Variants in CSGALNACT1 observed in about 807,000 individuals in gnomAD.
The protein encoded by CSGALNACT1 is beta4GalNAcT-1.
A neutral mutation model predicts 51.0 loss-of-function variants in CSGALNACT1; 52 were observed. That is an observed-to-expected ratio of 1.02 (90% CI 0.82 to 1.29). CSGALNACT1 has a LOEUF of 1.29. Ranked by LOEUF, CSGALNACT1 falls within the 50% of genes most tolerant of loss-of-function variation. The probability of loss-of-function intolerance (pLI) is 0.00; values close to 1 mark genes in which losing one functional copy is unlikely to be tolerated. For missense variants in CSGALNACT1, 935 were observed against 679.2 expected (o/e 1.38, Z -4.19); for synonymous variants, 341 against 254.4 (o/e 1.34, Z -3.24).
chr8:19,756,549 CT>C (rs1262533588), intron 1 of CSGALNACT1, among the ~76,000 whole-genome samples: 4 of 152,162 alleles, frequency 2.6e-5, no homozygotes, highest in Non-Finnish European at 4.4e-5. Context: ...CTTCCTACAG[CT>C]TTCCTCTCCT....
exon 10 of CSGALNACT1, chr8:19,404,901 T>C (rs777231514): frequency 2.2e-6 from 1 of 454,410 alleles, no homozygotes; most frequent in South Asian, 1.6e-5. Flanking sequence ...AAAGTATCTG[T>C]ACGTCTGTAT....
chr8:19,447,973 T>A (rs949648322), intron 5 of CSGALNACT1, among the ~76,000 whole-genome samples: 3 of 152,208 alleles, frequency 2.0e-5, no homozygotes, highest in African/African-American at 7.2e-5. Flanking sequence ...GTGGGTACGG[T>A]AGCAGCAGCA....
chr8:19,650,961 G>A (rs997596510), intron 1 of CSGALNACT1, among the ~76,000 whole-genome samples: 4 of 152,188 alleles, frequency 2.6e-5, no homozygotes, highest in Admixed American at 2.6e-4. Context: ...AATTCTAAGA[G>A]TTTACAGCAT....
chr8:19,483,312 AG>A (rs1690535002), intron 4 of CSGALNACT1, among the ~76,000 whole-genome samples: 1 of 152,220 alleles, frequency 6.6e-6, no homozygotes, highest in African/African-American at 2.4e-5. Context: ...ATTAAGACAA[AG>A]CCCAAAGGCA....
At chr8:19,405,196 CA>C (rs2053910967) in exon 10 of CSGALNACT1, 1 of 448,048 alleles carries the variant, frequency 2.2e-6, no homozygotes, top group Non-Finnish European at 4.4e-6. Flanking sequence ...AAAGGACAAC[CA>C]AAAAGATAAG....
chr8:19,657,065 TAAAA>T (rs200755706), intron 1 of CSGALNACT1, among the ~76,000 whole-genome samples: 21 of 125,716 alleles, frequency 1.7e-4, no homozygotes, highest in South Asian at 2.6e-4. Flanking sequence ...TCCATCTCAT[TAAAA>T]AAAAAAAAAA....
At chr8:19,717,826 T>G (rs532852309) in intron 1 of CSGALNACT1, among the ~76,000 whole-genome samples, 1 of 152,200 alleles carries the variant, frequency 6.6e-6, no homozygotes, top group Non-Finnish European at 1.5e-5. Context: ...GCTCAGGCAC[T>G]GTAACCCTGG....
intron 3 of CSGALNACT1, among the ~76,000 whole-genome samples, chr8:19,570,861 T>C (rs889701421): frequency 6.6e-6 from 1 of 152,058 alleles, no homozygotes; most frequent in Non-Finnish European, 1.5e-5. Context: ...TGAGCCGAGA[T>C]CACGCTATTG....
intron 1 of CSGALNACT1, among the ~76,000 whole-genome samples, chr8:19,731,625 G>A (rs886653226): frequency 1.2e-4 from 18 of 152,038 alleles, no homozygotes; most frequent in Admixed American, 5.9e-4. Context: ...CCAAACAACC[G>A]CAATAAAAAT....
At chr8:19,496,954 A>C (rs1161127592) in intron 4 of CSGALNACT1, among the ~76,000 whole-genome samples, 2 of 152,216 alleles carry the variant, frequency 1.3e-5, no homozygotes, top group African/African-American at 2.4e-5. Flanking sequence ...GCTCCCTGGG[A>C]GGGGCAAAAC....
chr8:19,732,950 T>C (rs2063770384), intron 1 of CSGALNACT1, among the ~76,000 whole-genome samples: 1 of 152,242 alleles, frequency 6.6e-6, no homozygotes, highest in South Asian at 2.1e-4. Flanking sequence ...AAATTTATTT[T>C]GCAATACAAA....
At chr8:19,423,960 C>T (rs775153354) in intron 6 of CSGALNACT1, among the ~76,000 whole-genome samples, 2 of 151,996 alleles carry the variant, frequency 1.3e-5, no homozygotes, top group Non-Finnish European at 2.9e-5. Context: ...GGGGCCGGCG[C>T]ACACACACAC....
rs373297175 is a variant in CSGALNACT1 at position 19,540,311 on chromosome 8, G to A, written c.-296-34181C>T. 5.1e-4 allele frequency among the ~76,000 whole-genome samples: 77 copies of A among 152,244 alleles called. 4 individuals carry two copies. The South Asian group carries it at 0.016, about 32-fold the overall frequency. ...AAAAAGGCTATTAAAGGGACTGCAT[G>A]GTAACATGGAAAACAGTATTTATTC... On this transcript the variant is annotated intron_variant, in intron 3 of 9. Transcript: ENST00000454498.
intron 4 of CSGALNACT1, among the ~76,000 whole-genome samples, chr8:19,468,130 G>T (rs113447689): frequency 0.013 from 1,950 of 152,230 alleles, 23 homozygotes; most frequent in Non-Finnish European, 0.02. Context: ...GAACAAAAAG[G>T]AGGGCATCTC....
chr8:19,545,602 T>C (rs2086276062), intron 3 of CSGALNACT1, among the ~76,000 whole-genome samples: 1 of 151,930 alleles, frequency 6.6e-6, no homozygotes, highest in Non-Finnish European at 1.5e-5. Context: ...ATGCATTCAA[T>C]AAATGTCTCT....
chr8:19,464,301 T>C, intron 4 of CSGALNACT1, among the ~76,000 whole-genome samples: 1 of 151,956 alleles, frequency 6.6e-6, no homozygotes, highest in Non-Finnish European at 1.5e-5. Flanking sequence ...CACACATATA[T>C]ATTTTGGCCC....
At chr8:19,634,146 C>T (rs187196829) in intron 1 of CSGALNACT1, among the ~76,000 whole-genome samples, 5 of 152,318 alleles carry the variant, frequency 3.3e-5, no homozygotes, top group African/African-American at 9.6e-5. Context: ...GGACACTTTA[C>T]GTCATATTTG....
chr8:19,707,042 A>G (rs905633243), intron 1 of CSGALNACT1, among the ~76,000 whole-genome samples: 2 of 152,106 alleles, frequency 1.3e-5, no homozygotes, highest in African/African-American at 4.8e-5. Flanking sequence ...AGAGGCCGGG[A>G]AGCTCTTACC....
chr8:19,410,994 C>A (rs1322154180), intron 8 of CSGALNACT1, among the ~76,000 whole-genome samples: 1 of 152,178 alleles, frequency 6.6e-6, no homozygotes. Flanking sequence ...CATGTGAAGC[C>A]CTGCAAGGGT....
Sources: allele counts gnomAD v4.1 joint callset (sites outside exome capture counted in the v4.1 genomes callset), GRCh38; gene constraint gnomAD v4.1.1; transcripts MANE v1.5; gene names NCBI Gene and HGNC (gene_info 2026-07-23, HGNC 2026-07-21).